SEPTIN8: variants seen among roughly 807,000 people sequenced by gnomAD.
SEPTIN8 encodes septin-8.
Under a neutral mutation model 53.1 loss-of-function variants are expected in SEPTIN8, and 22 were observed. That is an observed-to-expected ratio of 0.41 (90% confidence interval 0.30 to 0.59). The LOEUF is 0.59. SEPTIN8 is among the 20% of genes least tolerant of loss of function. The probability of loss-of-function intolerance (pLI) is 0.24; values close to 1 mark genes in which losing one functional copy is unlikely to be tolerated. For missense variants in SEPTIN8, 536 were observed against 638.7 expected, an observed-to-expected ratio of 0.84 and a Z score of 1.73; for synonymous variants, 228 against 248.4, an observed-to-expected ratio of 0.92 and a Z score of 0.77.
At chr5:132,759,012 T>C (rs1298391715) in intron 9 of SEPTIN8, 19 of 734,898 alleles carry the variant, frequency 2.6e-5, no homozygotes, top group African/African-American at 7.0e-5. Context: ...CAAGATCTGA[T>C]TGGGAAGTAA....
At chr5:132,753,310 G>A (rs1026036528) in intron 9 of SEPTIN8, 6 of 274,256 alleles carry the variant, frequency 2.2e-5, no homozygotes, top group Non-Finnish European at 3.6e-5. Context: ...CCCTGGGAGC[G>A]CTGGAATATG....
intron 1 of SEPTIN8, among the ~76,000 whole-genome samples, chr5:132,767,497 T>C (rs1216303136): frequency 6.6e-6 from 1 of 152,198 alleles, no homozygotes; most frequent in Non-Finnish European, 1.5e-5. Flanking sequence ...CTACTGGTTA[T>C]CCTTTTTTAA....
chr5:132,774,265 G>A (rs937979983), intron 1 of SEPTIN8: 1 of 166,412 alleles, frequency 6.0e-6, no homozygotes, highest in Non-Finnish European at 1.5e-5. Flanking sequence ...GAACGCCAGT[G>A]TGAGGCTGTG....
At position 132,765,403 on chromosome 5, in the gene SEPTIN8, ACT is replaced by A. The variant is rs777947959; in HGVS notation, c.151+4_151+5del. ...CCTCTGTCTGAGGCCAGGCCCTGAC[ACT>A]CACCCACACAGAGGATGTTGAAGCT... On this transcript the variant is annotated splice_donor_5th_base_variant and intron_variant, in intron 2 of 9. Coordinates refer to ENST00000378719, the MANE Select transcript of SEPTIN8 (RefSeq NM_001098811.2). The A allele has an allele frequency of 6.2e-7, 1 of 1,612,962 alleles. No individual in the cohort carries two copies. The highest frequency in any genetic ancestry group is 8.5e-7 in the Non-Finnish European group (1 of 1,179,520).
At chr5:132,777,440 T>C (rs1757915314), upstream of SEPTIN8, 1 of 992,662 alleles carries the variant, frequency 1.0e-6, no homozygotes, top group Non-Finnish European at 1.2e-6. The surrounding 1 kb of genome is among the most constrained non-coding windows in gnomAD (Gnocchi z 4.1). Flanking sequence ...CTGGGACTTG[T>C]AGTCCGCGCG....
At chr5:132,756,837 C>T in intron 9 of SEPTIN8, 1 of 985,438 alleles carries the variant, frequency 1.0e-6, no homozygotes, top group Non-Finnish European at 1.2e-6. Context: ...CTGCATACTC[C>T]AGAGTCCTAG....
chr5:132,774,468 T>C (rs1442553873), intron 1 of SEPTIN8, among the ~76,000 whole-genome samples: 3 of 152,158 alleles, frequency 2.0e-5, no homozygotes, highest in African/African-American at 7.2e-5. Flanking sequence ...GACAGGAATC[T>C]GGCTGCCCGA....
upstream of SEPTIN8, chr5:132,777,315 C>A (rs1486392078): frequency 2.8e-6 from 3 of 1,080,472 alleles, no homozygotes; most frequent in South Asian, 1.4e-4. This position sits in a 1 kb window ranked among gnomAD's most constrained non-coding sequence, Gnocchi z 4.1. Flanking sequence ...GCCCCTGCCC[C>A]CGCCCGCGGG....
intron 1 of SEPTIN8, 117 bp from the exon 2 acceptor site, chr5:132,765,646 C>A: frequency 8.1e-7 from 1 of 1,241,766 alleles, no homozygotes; most frequent in Non-Finnish European, 1.1e-6. Context: ...TGTCTGAATT[C>A]TCAACAAATC....
In SEPTIN8 at chr5:132,758,429, C is replaced by T. The variant is rs1376515730; in HGVS notation, c.1286+2373G>A. On this transcript the variant is annotated intron_variant, in intron 9 of 9. Coordinates refer to ENST00000378719, the MANE Select transcript of SEPTIN8 (RefSeq NM_001098811.2). Reference sequence around the variant, plus strand: ...AGACCACGCAGCTGCACCTAGGGCACCACGTGAGTTGCCATCTCCACGCTG... The same window carrying T: ...AGACCACGCAGCTGCACCTAGGGCATCACGTGAGTTGCCATCTCCACGCTG... 7.6e-6 allele frequency: 12 copies of T among 1,572,178 alleles called. No individual in the cohort carries two copies. The East Asian group carries it at 2.6e-4, about 34-fold the overall frequency.
intron 1 of SEPTIN8, among the ~76,000 whole-genome samples, chr5:132,772,319 G>T (rs1042533492): frequency 2.6e-5 from 4 of 152,208 alleles, no homozygotes; most frequent in African/African-American, 9.7e-5. Flanking sequence ...GTTACTGGTA[G>T]CTGGGCCAGT....
Position 132,773,418 on chromosome 5 carries a change from C to T in SEPTIN8, c.30+3690G>A, listed in dbSNP as rs1226056688. On this transcript the variant is annotated intron_variant, in intron 1 of 9. Coordinates refer to ENST00000378719, the MANE Select transcript of SEPTIN8 (RefSeq NM_001098811.2). This position sits in a 1 kb window ranked among gnomAD's most constrained non-coding sequence, Gnocchi z 4.2. ...CTCGCCTCTGGTAGCTGGACTTGAG[C>T]CACAGAGACATTCGTGGTAGTTACT... Among the ~76,000 whole-genome samples the T allele has an allele frequency of 1.3e-5, 2 of 152,210 alleles. No homozygotes were observed. The highest frequency in any genetic ancestry group is 2.9e-5 in the Non-Finnish European group (2 of 68,040).
chr5:132,767,982 C>CAT (rs1561764167), intron 1 of SEPTIN8, among the ~76,000 whole-genome samples: 1 of 150,898 alleles, frequency 6.6e-6, no homozygotes, highest in African/African-American at 2.5e-5. Flanking sequence ...CACACACACA[C>CAT]ACACGCAGCC....
chr5:132,761,379 G>C lies in SEPTIN8; in HGVS notation c.962+79C>G. ...GGCACGAGGGGTAAGAGGATGTGGG[G>C]TCCCTCAGGGAACAGATGCCAGGGT... On this transcript the variant is annotated intron_variant, in intron 7 of 9. Coordinates refer to ENST00000378719, the MANE Select transcript of SEPTIN8 (RefSeq NM_001098811.2). The surrounding 1 kb of genome is among the most constrained non-coding windows in gnomAD (Gnocchi z 5.8). 1 of 1,585,202 alleles carries C rather than the reference G, an allele frequency of 6.3e-7. No individual in the cohort carries two copies. Among genetic ancestry groups the C allele is most frequent in the Non-Finnish European group, 8.6e-7 (1 of 1,167,916 alleles).
rs1011779996 is a variant in SEPTIN8 at position 132,760,628 on chromosome 5, A to G, written c.1286+174T>C. Among the ~76,000 whole-genome samples the G allele has an allele frequency of 5.0e-5, 6 of 119,118 alleles. No individual in the cohort carries two copies. The highest frequency in any genetic ancestry group is 1.3e-4 in the African/African-American group (2 of 15,868). The allele number at this position is 119,118 out of a possible 152,430, so 78.1% of individuals were successfully genotyped here. A position where few individuals can be genotyped will look rare whatever the true frequency, so the allele number is the denominator to read the frequency against. On this transcript the variant is annotated intron_variant, in intron 9 of 9. Coordinates refer to ENST00000378719, the MANE Select transcript of SEPTIN8 (RefSeq NM_001098811.2). The surrounding 1 kb of genome is among the most constrained non-coding windows in gnomAD (Gnocchi z 5.2). ...GGCGAGACACTGGATCACTAGTGAA[A>G]GAAAAAGGCAACCAAGAAAGCTGGG...
Position 132,771,338 on chromosome 5 carries a change from C to T in SEPTIN8, c.30+5770G>A, listed in dbSNP as rs182018075. 2.1e-3 allele frequency among the ~76,000 whole-genome samples: 327 copies of T among 152,332 alleles called. 2 individuals are homozygous for T. The highest frequency in any genetic ancestry group is 3.8e-3 in the Non-Finnish European group (261 of 68,024). ...GACCCCTGTGATCCAAACCCCCAAA[C>T]TAGGCTGGTTGTTGCAGTGGGAGTA... is the stretch of plus-strand genomic sequence containing the variant. On this transcript the variant is annotated intron_variant, in intron 1 of 9. Coordinates refer to ENST00000378719, the MANE Select transcript of SEPTIN8 (RefSeq NM_001098811.2).
In SEPTIN8 at chr5:132,750,891, A is replaced by G. The variant is rs768924657; in HGVS notation, c.*1125T>C. The stretch of plus-strand genomic sequence containing the variant: ...CAAGTAAAAGACTTCACAAAGCACT[A>G]TGGCTCTGACTATTCCCCGAATGAG... On this transcript the variant is annotated 3_prime_UTR_variant, in exon 10 of 10. Transcript: ENST00000378719. 1.0e-4 allele frequency: 168 copies of G among 1,614,160 alleles called. 2 individuals carry two copies. The Middle Eastern group carries it at 9.4e-3, about 90-fold the overall frequency.
chr5:132,770,143 G>GTA (rs1170635004), intron 1 of SEPTIN8, among the ~76,000 whole-genome samples: 1 of 97,708 alleles, frequency 1.0e-5, no homozygotes, highest in African/African-American at 8.0e-5. Flanking sequence ...GTGTATGTGT[G>GTA]TGTATATATA....
chr5:132,758,526 G>A (rs1338291331), intron 9 of SEPTIN8: 3 of 1,613,422 alleles, frequency 1.9e-6, no homozygotes, highest in South Asian at 1.1e-5. Context: ...AGGGAATAGT[G>A]ACACTGTAAA....
Sources: gnomAD v4.1 joint callset for allele counts (sites outside exome capture counted in the v4.1 genomes callset) on GRCh38, gnomAD v4.1.1 for gene constraint, Gnocchi (gnomAD v3.1) non-coding constraint, MANE v1.5 for transcripts, NCBI Gene and HGNC (gene_info 2026-07-23, HGNC 2026-07-21) for gene names.